AFG2A: variants seen among roughly 807,000 people sequenced by gnomAD.
AFG2A encodes the protein ATPase family gene 2 protein homolog A.
the AFG2A span, among the ~76,000 whole-genome samples, chr4:123,123,744 G>A: frequency 5.3e-5 from 8 of 151,526 alleles, no homozygotes; most frequent in African/African-American, 1.5e-4. Context: ...TCAGGAGATC[G>A]AGACCATCCT....
chr4:123,051,550 A>G, the AFG2A span, among the ~76,000 whole-genome samples: 4 of 151,894 alleles, frequency 2.6e-5, no homozygotes, highest in East Asian at 7.7e-4. Flanking sequence ...TATTAGTATA[A>G]CAATAACGTT....
At chr4:123,202,019 G>A in the AFG2A span, among the ~76,000 whole-genome samples, 1 of 152,196 alleles carries the variant, frequency 6.6e-6, no homozygotes, top group Admixed American at 6.5e-5. Flanking sequence ...ATTGAAAAAT[G>A]TAATAGGACT....
chr4:123,034,988 C>T, the AFG2A span, among the ~76,000 whole-genome samples: 1 of 152,140 alleles, frequency 6.6e-6, no homozygotes, highest in Non-Finnish European at 1.5e-5. Flanking sequence ...CTCTCCTATT[C>T]ATAGTCCCCC....
At chr4:122,934,799 C>T in the AFG2A span, 1 of 1,505,042 alleles carries the variant, frequency 6.6e-7, no homozygotes, top group Non-Finnish European at 8.9e-7. Context: ...AGACAGTTGA[C>T]ACTTATGTAA....
chr4:122,993,691 A>G, the AFG2A span, among the ~76,000 whole-genome samples: 1 of 151,960 alleles, frequency 6.6e-6, no homozygotes, highest in African/African-American at 2.4e-5. Context: ...CAGGAACTCA[A>G]TTTTCACTTT....
chr4:123,041,365 C>T, the AFG2A span, among the ~76,000 whole-genome samples: 1 of 150,030 alleles, frequency 6.7e-6, no homozygotes, highest in South Asian at 2.1e-4. Context: ...TCATGATCCA[C>T]CCACCTCGGC....
the AFG2A span, among the ~76,000 whole-genome samples, chr4:123,215,181 A>G: frequency 3.9e-5 from 6 of 152,104 alleles, no homozygotes; most frequent in Non-Finnish European, 1.5e-5. Flanking sequence ...ACTATCACAA[A>G]TACATGTAAT....
the AFG2A span, chr4:122,934,551 T>G: frequency 6.2e-7 from 1 of 1,613,832 alleles, no homozygotes; most frequent in Non-Finnish European, 8.5e-7. Context: ...AGTGCAATAC[T>G]GATACTTTTT....
At chr4:123,121,994 T>A in the AFG2A span, among the ~76,000 whole-genome samples, 1 of 152,232 alleles carries the variant, frequency 6.6e-6, no homozygotes, top group African/African-American at 2.4e-5. Context: ...TATCACCTTA[T>A]GTCTTGAAAC....
At chr4:123,251,008 A>T in the AFG2A span, among the ~76,000 whole-genome samples, 1 of 152,154 alleles carries the variant, frequency 6.6e-6, no homozygotes, top group Non-Finnish European at 1.5e-5. Context: ...GGCCAGAAAA[A>T]GCCTAGCTGG....
the AFG2A span, among the ~76,000 whole-genome samples, chr4:123,149,867 A>G: frequency 7.1e-6 from 1 of 140,984 alleles, no homozygotes; most frequent in Non-Finnish European, 1.5e-5. Flanking sequence ...GTGCAATGAC[A>G]TGATCTCTGC....
chr4:123,218,921 A>T, the AFG2A span, among the ~76,000 whole-genome samples: 1 of 152,230 alleles, frequency 6.6e-6, no homozygotes, highest in Non-Finnish European at 1.5e-5. Flanking sequence ...CTATTACAAA[A>T]GTGAATTAAC....
At chr4:123,123,845 G>A in the AFG2A span, among the ~76,000 whole-genome samples, 21 of 148,746 alleles carry the variant, frequency 1.4e-4, no homozygotes, top group African/African-American at 2.5e-4. Context: ...CCAGCTACAC[G>A]GGAGGCTGAG....
the AFG2A span, among the ~76,000 whole-genome samples, chr4:123,199,258 C>T: frequency 1.3e-5 from 2 of 151,954 alleles, no homozygotes; most frequent in African/African-American, 4.8e-5. Context: ...TGAAGTAGAT[C>T]CAAATCCTGA....
the AFG2A span, among the ~76,000 whole-genome samples, chr4:123,005,036 G>A: frequency 6.6e-6 from 1 of 152,044 alleles, no homozygotes; most frequent in South Asian, 2.1e-4. Context: ...TTTAATATCT[G>A]TTGGATCAGT....
At chr4:123,014,370 A>G in the AFG2A span, among the ~76,000 whole-genome samples, 1 of 152,058 alleles carries the variant, frequency 6.6e-6, no homozygotes, top group Non-Finnish European at 1.5e-5. Flanking sequence ...AATTTTTGTT[A>G]CTTTTTTAAG....
At chr4:123,243,539 T>C in the AFG2A span, among the ~76,000 whole-genome samples, 73 of 151,994 alleles carry the variant, frequency 4.8e-4, no homozygotes, top group Admixed American at 4.6e-4. Context: ...TAGGTGGGAA[T>C]TGAACAATGA....
the AFG2A span, among the ~76,000 whole-genome samples, chr4:123,201,306 G>A: frequency 6.6e-6 from 1 of 152,138 alleles, no homozygotes; most frequent in East Asian, 1.9e-4. Flanking sequence ...GCTTAACTGT[G>A]TTAACTGGCT....
the AFG2A span, among the ~76,000 whole-genome samples, chr4:123,112,782 C>A: frequency 6.6e-6 from 1 of 151,916 alleles, no homozygotes; most frequent in Non-Finnish European, 1.5e-5. Flanking sequence ...TAGATTTTTC[C>A]TATGTGCTTT....
Sources: gnomAD v4.1 joint callset for allele counts (sites outside exome capture counted in the v4.1 genomes callset) on GRCh38, gnomAD v4.1.1 for gene constraint, MANE v1.5 for transcripts, NCBI Gene and HGNC (gene_info 2026-07-23, HGNC 2026-07-21) for gene names.